The following DMWD variants were observed in gnomAD, a reference collection of about 807,000 sequenced individuals.
The protein encoded by DMWD is DM1 locus, WD repeat containing, also known as dystrophia myotonica WD repeat-containing protein.
A neutral mutation model predicts 45.8 loss-of-function variants in DMWD; 19 were observed. That is an observed-to-expected ratio of 0.41 (90% CI 0.29 to 0.61). DMWD has a LOEUF of 0.61. DMWD is among the 20% of genes least tolerant of loss of function. The pLI, the probability that DMWD is intolerant of heterozygous loss-of-function variation, is 0.25. For missense variants in DMWD, 802 were observed against 965.2 expected, an observed-to-expected ratio of 0.83 and a Z score of 2.24; for synonymous variants, 515 against 440.5, an observed-to-expected ratio of 1.17 and a Z score of -2.12.
intron 2 of DMWD, among the ~76,000 whole-genome samples, chr19:45,787,830 G>A (rs977701764): frequency 2.8e-4 from 43 of 152,222 alleles, no homozygotes; most frequent in Non-Finnish European, 2.9e-5. Context: ...CACTTTGGGA[G>A]GCTGAGGCAG....
chr19:45,786,828 G>A lies in DMWD; in HGVS notation c.668C>T (p.Pro223Leu). The part of the protein sequence containing the change: ...KTKVTYLKWL[P>L]ESESLFLASH... ...TGCCAGGAACAGGCTCTCCGACTCA[G>A]GCAGCCACTTCAGATATGTCACCTT... Residue 223 changes from proline to leucine, a missense_variant, in exon 3 of 5, where the codon CCT becomes CTT. Pro to Leu is a moderately conservative substitution (Grantham distance 98, BLOSUM62 -3). Coordinates refer to ENST00000270223, the MANE Select transcript of DMWD (RefSeq NM_004943.2). 1.2e-6 allele frequency: 2 copies of A among 1,614,128 alleles called. No individual in the cohort carries two copies.
intron 2 of DMWD, among the ~76,000 whole-genome samples, chr19:45,787,853 G>C (rs1970302432): frequency 6.6e-6 from 1 of 152,128 alleles, no homozygotes; most frequent in Admixed American, 6.5e-5. Flanking sequence ...GGATCACAAA[G>C]TCAGGAGTTC....
chr19:45,787,671 C>T (rs1383893036), intron 2 of DMWD, among the ~76,000 whole-genome samples: 1 of 152,234 alleles, frequency 6.6e-6, no homozygotes, highest in Non-Finnish European at 1.5e-5. Flanking sequence ...AAATGAGTGA[C>T]AACCCCCCAT....
At chr19:45,787,905 C>G (rs906409217) in intron 2 of DMWD, among the ~76,000 whole-genome samples, 2 of 152,076 alleles carry the variant, frequency 1.3e-5, no homozygotes, top group African/African-American at 4.8e-5. Flanking sequence ...AGTAGAGATA[C>G]AAAATCTCTA....
At position 45,783,978 on chromosome 19, in the gene DMWD, G is replaced by C; in HGVS notation, c.*265C>G. Reference sequence around the variant, plus strand: ...AGTGACCAGTCACATGCTGGGGACAGGGATGAGGGTAACACTGATGTTTCA... The same window carrying C: ...AGTGACCAGTCACATGCTGGGGACACGGATGAGGGTAACACTGATGTTTCA... On this transcript the variant is annotated 3_prime_UTR_variant, in exon 5 of 5. Coordinates refer to ENST00000270223, the MANE Select transcript of DMWD (RefSeq NM_004943.2). 1.6e-6 allele frequency: 1 copy of C among 616,682 alleles called. No individual in the cohort carries two copies. The highest frequency in any genetic ancestry group is 2.8e-6 in the Non-Finnish European group (1 of 352,254). The allele number at this position is 616,682 out of a possible 1,614,324, so 38.2% of individuals were successfully genotyped here.
At position 45,784,064 on chromosome 19, in the gene DMWD, T is replaced by C. The variant is rs1295902403; in HGVS notation, c.*179A>G. 8 of 657,774 alleles carry C rather than the reference T, an allele frequency of 1.2e-5. No individual in the cohort carries two copies. Among genetic ancestry groups the C allele is most frequent in the Non-Finnish European group, 2.2e-5 (8 of 368,932 alleles). 40.7% of individuals were successfully genotyped at this position (657,774 alleles called of 1,614,324 possible). On this transcript the variant is annotated 3_prime_UTR_variant, in exon 5 of 5. Transcript: ENST00000270223. ...GACAAGGCTGAGGCCACAAGGGCTA[T>C]TACATCGCCCGTGTCCGGGCCAGTC...
intron 3 of DMWD, 80 bp downstream of exon 3, chr19:45,785,514 A>G: frequency 7.0e-7 from 1 of 1,421,158 alleles, no homozygotes; most frequent in South Asian, 1.6e-5. Flanking sequence ...ACAGCAACAA[A>G]GCCCTCTCTC....
At position 45,790,982 on chromosome 19, in the gene DMWD, G is replaced by C; in HGVS notation, c.547C>G (p.Leu183Val). The stretch of plus-strand genomic sequence containing the variant: ...ACTTGACCCGCTGAGAAGCCCACCA[G>C]CAGCGAGATGGTCTCGGTGGCAGCA... ...FTAATETISL[L>V]VGFSAGQVQY... Residue 183 changes from leucine to valine, a missense_variant, in exon 2 of 5, where the codon CTG (leucine) becomes GTG (valine). By Grantham distance (32) the Leu-to-Val change is conservative. Coordinates refer to ENST00000270223, the MANE Select transcript of DMWD (RefSeq NM_004943.2). The C allele has an allele frequency of 1.2e-6, 2 of 1,614,094 alleles. No homozygotes were observed. The highest frequency in any genetic ancestry group is 1.7e-6 in the Non-Finnish European group (2 of 1,180,012).
At position 45,785,548 on chromosome 19, in the gene DMWD, G is replaced by A. The variant is rs1014483622; in HGVS notation, c.1902+46C>T. ...TCTGCCAATGCCTGCCTCTTCCCAC[G>A]AAAGGTCCTGCCAGGTCCCCGGCAG... is the stretch of plus-strand genomic sequence containing the variant. On this transcript the variant is annotated intron_variant, in intron 3 of 4. Coordinates refer to ENST00000270223, the MANE Select transcript of DMWD (RefSeq NM_004943.2). 9.1e-6 allele frequency: 13 copies of A among 1,433,850 alleles called. No homozygotes were observed. In the East Asian group the frequency reaches 1.0e-4, roughly 12 times the overall value. The allele number at this position is 1,433,850 out of a possible 1,614,324, so 88.8% of individuals were successfully genotyped here.
rs1476701506 is a variant in DMWD, at chr19:45,792,733, G to T, written c.24C>A (p.Gly8=). 2 of 1,153,692 alleles carry T rather than the reference G, an allele frequency of 1.7e-6. No homozygotes were observed. Among genetic ancestry groups the T allele is most frequent in the South Asian group, 3.5e-5 (1 of 28,206 alleles). The allele number at this position is 1,153,692 out of a possible 1,614,324, so 71.5% of individuals were successfully genotyped here. A position where few individuals can be genotyped will look rare whatever the true frequency, so the allele number is the denominator to read the frequency against. Residue 8 remains glycine (G), a synonymous_variant, in exon 1 of 5, where the codon GGC becomes GGA. Transcript: ENST00000270223. The part of the protein sequence containing the change: MAAGGAE[G]GSGPGAAMGD... ...CCATGGCGGCGCCGGGGCCCGAGCC[G>T]CCCTCCGCGCCGCCCGCCGCCATCT...
chr19:45,785,441 G>A (rs768769935), intron 3 of DMWD, 153 bp downstream of exon 3: 29 of 1,382,064 alleles, frequency 2.1e-5, no homozygotes, highest in Non-Finnish European at 2.5e-5. Context: ...GATCTGAGAG[G>A]TCTTGTACTG....
rs8109951 is a variant in DMWD at position 45,786,245 on chromosome 19, C to A, written c.1251G>T (p.Pro417=). ...AGCCAGCCTTGGGCAGTGGAGAGAGCGGGGCGCCCCCGGCCGAGCCTGTGC... is the reference window on the plus strand; with the variant it reads ...AGCCAGCCTTGGGCAGTGGAGAGAGAGGGGCGCCCCCGGCCGAGCCTGTGC... ...AAGTGSAGGA[P]LSPLPKAGSI... is the part of the protein sequence containing the mutation. Residue 417 remains proline, a synonymous_variant, in exon 3 of 5, where the codon CCG becomes CCT. Transcript: ENST00000270223. 1.2e-6 allele frequency: 2 copies of A among 1,607,960 alleles called. No individual in the cohort carries two copies. The highest frequency in any genetic ancestry group is 2.2e-5 in the East Asian group (1 of 44,714).
At position 45,786,092 on chromosome 19, in the gene DMWD, G is replaced by A. The variant is rs1970269375; in HGVS notation, c.1404C>T (p.Thr468=). 1 of 1,520,428 alleles carries A rather than the reference G, an allele frequency of 6.6e-7. No individual in the cohort carries two copies. The highest frequency in any genetic ancestry group is 8.8e-7 in the Non-Finnish European group (1 of 1,132,944). 94.2% of individuals were successfully genotyped at this position (1,520,428 alleles called of 1,614,324 possible). Residue 468 remains threonine, a synonymous_variant, in exon 3 of 5, where the codon ACC becomes ACT. Coordinates refer to ENST00000270223, the MANE Select transcript of DMWD (RefSeq NM_004943.2). ...RTRTLPGTPG[T]TPPAASSSRG... ...TCGAGCTGCTGGCGGCCGGTGGCGT[G>A]GTGCCAGGTGTGCCAGGGAGGGTGC...
rs989208060 is a variant in DMWD, at chr19:45,783,579, G to A, written c.*664C>T. 22 of 398,760 alleles carry A rather than the reference G, an allele frequency of 5.5e-5. No homozygotes were observed. Among genetic ancestry groups the A allele is most frequent in the East Asian group, 1.1e-4 (3 of 28,062 alleles). 24.7% of individuals were successfully genotyped at this position (398,760 alleles called of 1,614,324 possible). ...TGACTCGCAGGTCCGTTCCCTCCCT[G>A]GGCTCCGGCTTTTCCTGCTATGAAA... On this transcript the variant is annotated 3_prime_UTR_variant, in exon 5 of 5. Transcript: ENST00000270223.
In DMWD at chr19:45,783,976, C is replaced by G; in HGVS notation, c.*267G>C. The G allele has an allele frequency of 3.3e-6, 2 of 610,858 alleles. No homozygotes were observed. Among genetic ancestry groups the G allele is most frequent in the South Asian group, 1.9e-5 (1 of 52,148 alleles). 37.8% of individuals were successfully genotyped at this position (610,858 alleles called of 1,614,324 possible). On this transcript the variant is annotated 3_prime_UTR_variant, in exon 5 of 5. Transcript: ENST00000270223. The stretch of plus-strand genomic sequence containing the variant: ...GGAGTGACCAGTCACATGCTGGGGA[C>G]AGGGATGAGGGTAACACTGATGTTT...
Position 45,785,811 on chromosome 19 carries a change from T to G in DMWD, c.1685A>C (p.Glu562Ala). The G allele has an allele frequency of 6.2e-7, 1 of 1,611,336 alleles. No individual in the cohort carries two copies. ...GCGGGGAACAGGGCCGCTGGGCTTC[T>G]CCCCACCACTGCCACTGCCGCCACT... Reference protein sequence around the residue: ...GGSGGSGSGGEKPSGPVPRSR... With the variant: ...GGSGGSGSGGAKPSGPVPRSR... Residue 562 changes from glutamate (E) to alanine (A), a missense_variant, in exon 3 of 5, where the codon GAG becomes GCG. Glu to Ala is a moderately radical substitution (Grantham distance 107, BLOSUM62 -1). This residue lies in a region of DMWD where 303 missense variants were observed against 332.9 expected (regional missense o/e 0.91). Coordinates refer to ENST00000270223, the MANE Select transcript of DMWD (RefSeq NM_004943.2).
chr19:45,787,303 C>T (rs893885468), intron 2 of DMWD: 2 of 243,394 alleles, frequency 8.2e-6, no homozygotes, highest in Admixed American at 5.2e-5. Context: ...ACCGGAGCAG[C>T]GCACCATTCA....
At position 45,786,901 on chromosome 19, in the gene DMWD, G is replaced by A. The variant is rs1444269834; in HGVS notation, c.625-30C>T. On this transcript the variant is annotated intron_variant, in intron 2 of 4. Transcript: ENST00000270223. Reference sequence around the variant, plus strand: ...CAGGGGAGACAGTGTGGGGTTGGGAGAAGGCAGTAAAACCCAGGCAGAACT... The same window carrying A: ...CAGGGGAGACAGTGTGGGGTTGGGAAAAGGCAGTAAAACCCAGGCAGAACT... 9 of 1,600,074 alleles carry A rather than the reference G, an allele frequency of 5.6e-6. No homozygotes were observed. The Admixed American group carries it at 6.9e-5, about 12-fold the overall frequency.
At chr19:45,788,170 C>A (rs1970307295) in intron 2 of DMWD, among the ~76,000 whole-genome samples, 1 of 152,244 alleles carries the variant, frequency 6.6e-6, no homozygotes, top group Non-Finnish European at 1.5e-5. Context: ...TGTGACTGGC[C>A]TCAGGCTCCA....
Sources: allele counts gnomAD v4.1 joint callset (sites outside exome capture counted in the v4.1 genomes callset), GRCh38; gene constraint gnomAD v4.1.1; regional missense constraint gnomAD v4.1.1; transcripts MANE v1.5; gene names NCBI Gene and HGNC (gene_info 2026-07-23, HGNC 2026-07-21).